The following SYTL5 variants were observed in gnomAD, a reference collection of about 807,000 sequenced individuals.
SYTL5 encodes the protein synaptotagmin-like protein 5.
Under a neutral mutation model 55.9 loss-of-function variants are expected in SYTL5, and 34 were observed. The ratio of observed to expected loss-of-function variants is 0.61; its 90% CI spans 0.46 to 0.81. The LOEUF (loss-of-function observed/expected upper bound fraction) is 0.81, where lower values mean the gene tolerates loss of function less well. SYTL5 is among the 30% of genes least tolerant of loss of function. SYTL5 has a pLI of 0.00. For synonymous variants in SYTL5, 221 were observed against 188.7 expected (o/e 1.17, Z -1.40); for missense variants, 637 against 546.7 (o/e 1.17, Z -1.65).
chrX:37,926,036 T>G, the SYTL5 span, among the ~76,000 whole-genome samples: 1 of 111,870 alleles, frequency 8.9e-6, no homozygotes, highest in African/African-American at 3.2e-5. Flanking sequence ...GTTCCATATT[T>G]TTGCAATTGT....
chrX:38,048,078 T>C (rs1227239707), intron 2 of SYTL5, among the ~76,000 whole-genome samples: 1 of 109,828 alleles, frequency 9.1e-6, no homozygotes, highest in African/African-American at 3.3e-5. Flanking sequence ...CCCAGCTACT[T>C]GGGAGGCTGA....
At chrX:38,115,483 CAAAAAAAAAAAAA>C (rs772227891) in intron 13 of SYTL5, among the ~76,000 whole-genome samples, 15 of 17,474 alleles carry the variant, frequency 8.6e-4, no homozygotes, top group South Asian at 4.5e-3. Context: ...GACTCCGTCT[CAAAAAAAAAAAAA>C]AAAAAAAAAA....
chrX:37,944,515 A>G, the SYTL5 span, among the ~76,000 whole-genome samples: 1 of 111,821 alleles, frequency 8.9e-6, no homozygotes, highest in African/African-American at 3.3e-5. Flanking sequence ...CCCCTTGGGA[A>G]CTTGATTTCC....
At chrX:38,051,655 A>G (rs766772831) in intron 2 of SYTL5, among the ~76,000 whole-genome samples, 14 of 111,410 alleles carry the variant, frequency 1.3e-4, no homozygotes, top group Non-Finnish European at 2.4e-4. Flanking sequence ...CTCTTCCCCT[A>G]CTAAGGATCT....
the SYTL5 span, among the ~76,000 whole-genome samples, chrX:37,903,274 A>C: frequency 2.8e-5 from 3 of 107,935 alleles, no homozygotes; most frequent in East Asian, 8.7e-4. Flanking sequence ...GGCACTATTC[A>C]CAATAGCAAA....
chrX:37,990,767 A>G, the SYTL5 span: 1,668 of 1,124,698 alleles, frequency 1.5e-3, 20 homozygotes, highest in African/African-American at 0.026. Context: ...AGGACTAAGC[A>G]CTAGTGTCCT....
At chrX:37,890,120 A>G in the SYTL5 span, among the ~76,000 whole-genome samples, 39 of 110,702 alleles carry the variant, frequency 3.5e-4, no homozygotes, top group African/African-American at 1.2e-3. Flanking sequence ...TAACGAAGGA[A>G]TTCTTAACAG....
intron 3 of SYTL5, among the ~76,000 whole-genome samples, chrX:38,064,320 T>A (rs1936038748): frequency 9.0e-6 from 1 of 111,698 alleles, no homozygotes; most frequent in South Asian, 3.7e-4. Flanking sequence ...AAGTGTTTCC[T>A]TTACTTCATG....
chrX:37,896,943 G>A, the SYTL5 span, among the ~76,000 whole-genome samples: 2 of 112,385 alleles, frequency 1.8e-5, no homozygotes, highest in Non-Finnish European at 3.8e-5. Flanking sequence ...GGAAGTAGAA[G>A]TGTATATGTG....
At chrX:38,005,807 C>T (rs1933973623), upstream of SYTL5, among the ~76,000 whole-genome samples, 1 of 111,772 alleles carries the variant, frequency 8.9e-6, no homozygotes, top group African/African-American at 3.2e-5. Context: ...TTCGATTCTC[C>T]AGGACACCAC....
intron 8 of SYTL5, among the ~76,000 whole-genome samples, chrX:38,094,890 C>G: frequency 9.0e-6 from 1 of 111,296 alleles, no homozygotes; most frequent in Non-Finnish European, 1.9e-5. Context: ...TAATAATTAC[C>G]CCTTTCATTT....
chrX:37,943,976 C>A, the SYTL5 span, among the ~76,000 whole-genome samples: 1 of 110,977 alleles, frequency 9.0e-6, no homozygotes, highest in Non-Finnish European at 1.9e-5. Context: ...TCTGAACACA[C>A]TAATCTAGAT....
the SYTL5 span, among the ~76,000 whole-genome samples, chrX:37,968,852 T>G: frequency 8.9e-6 from 1 of 112,330 alleles, no homozygotes; most frequent in Non-Finnish European, 1.9e-5. Flanking sequence ...CATTTAAAAT[T>G]AAGAATTTTG....
At chrX:37,955,405 T>G in the SYTL5 span, among the ~76,000 whole-genome samples, 1 of 112,163 alleles carries the variant, frequency 8.9e-6, no homozygotes, top group Non-Finnish European at 1.9e-5. Flanking sequence ...TAATAGATTT[T>G]AAGAGTCCAA....
At chrX:37,960,365 C>T in the SYTL5 span, among the ~76,000 whole-genome samples, 1 of 112,077 alleles carries the variant, frequency 8.9e-6, no homozygotes. Flanking sequence ...CATCTCTTTC[C>T]TCTTTTGTTT....
the SYTL5 span, among the ~76,000 whole-genome samples, chrX:37,966,387 C>T: frequency 0.35 from 37,448 of 106,428 alleles, 5,164 homozygotes; most frequent in East Asian, 0.59. Context: ...GCATTTTTAC[C>T]TCTGCTTCAC....
At chrX:38,024,526 C>T (rs1278929117) in intron 1 of SYTL5, among the ~76,000 whole-genome samples, 1 of 111,252 alleles carries the variant, frequency 9.0e-6, no homozygotes, top group Non-Finnish European at 1.9e-5. Flanking sequence ...AATAACATCT[C>T]ATGGGATACT....
chrX:37,954,647 T>C, the SYTL5 span, among the ~76,000 whole-genome samples: 1 of 112,231 alleles, frequency 8.9e-6, no homozygotes, highest in Non-Finnish European at 1.9e-5. Context: ...TCTTGGACCA[T>C]GCTGGAGTAA....
intron 2 of SYTL5, among the ~76,000 whole-genome samples, chrX:38,043,373 T>C (rs1170061127): frequency 1.8e-5 from 2 of 108,180 alleles, no homozygotes; most frequent in Non-Finnish European, 3.8e-5. Flanking sequence ...TTCCTGTCAC[T>C]TTTATGTGTA....
Sources: gnomAD v4.1 joint callset for allele counts (sites outside exome capture counted in the v4.1 genomes callset) on GRCh38, gnomAD v4.1.1 for gene constraint, MANE v1.5 for transcripts, NCBI Gene and HGNC (gene_info 2026-07-23, HGNC 2026-07-21) for gene names.